The following GMDS variants were observed in gnomAD, a reference collection of about 807,000 sequenced individuals.
The protein encoded by GMDS is GDP-mannose 4,6-dehydratase.
Under a neutral mutation model 49.9 loss-of-function variants are expected in GMDS, and 20 were observed. That is an observed-to-expected ratio of 0.40 (90% CI 0.28 to 0.58). The LOEUF is 0.58. Among genes scored for constraint, GMDS ranks in the 20% least tolerant of loss-of-function variants. The probability of loss-of-function intolerance (pLI) is 0.42; values close to 1 mark genes in which losing one functional copy is unlikely to be tolerated. For missense variants in GMDS, 362 were observed against 481.4 expected, an observed-to-expected ratio of 0.75 and a Z score of 2.32; for synonymous variants, 177 against 178.6, an observed-to-expected ratio of 0.99 and a Z score of 0.07.
At chr6:1,972,157 A>G (rs1764648375) in intron 4 of GMDS, among the ~76,000 whole-genome samples, 1 of 152,146 alleles carries the variant, frequency 6.6e-6, no homozygotes, top group Non-Finnish European at 1.5e-5. Context: ...AAAGCCTTTC[A>G]TTCTTTTTCA....
At chr6:1,671,954 C>T (rs182652584) in intron 9 of GMDS, among the ~76,000 whole-genome samples, 23 of 152,176 alleles carry the variant, frequency 1.5e-4, no homozygotes, top group East Asian at 3.9e-4. Flanking sequence ...TGAACCACCG[C>T]GCCTGGCCTA....
chr6:1,901,698 C>A lies in GMDS; in HGVS notation c.771+28405G>T, dbSNP rs143068347. 9.9e-4 allele frequency among the ~76,000 whole-genome samples: 151 copies of A among 152,228 alleles called. 1 individual carries two copies. The highest frequency in any genetic ancestry group is 3.6e-3 in the African/African-American group (148 of 41,550). ...TTTGATATGTCATGGCAATGACTCA[C>A]CAAACTGTCCCTAACTAGTCTGAAA... On this transcript the variant is annotated intron_variant, in intron 7 of 10. Coordinates refer to ENST00000380815, the MANE Select transcript of GMDS (RefSeq NM_001500.4).
chr6:2,184,739 T>A (rs1778703111), intron 1 of GMDS, among the ~76,000 whole-genome samples: 1 of 152,130 alleles, frequency 6.6e-6, no homozygotes, highest in Non-Finnish European at 1.5e-5. Flanking sequence ...ACATATAAAA[T>A]ACAAGCCCAA....
chr6:2,022,851 G>A (rs887808951), intron 4 of GMDS, among the ~76,000 whole-genome samples: 2 of 152,040 alleles, frequency 1.3e-5, no homozygotes, highest in African/African-American at 2.4e-5. Flanking sequence ...CACAGACAGA[G>A]AACTTCCAAA....
intron 9 of GMDS, among the ~76,000 whole-genome samples, chr6:1,680,896 G>T (rs1764764226): frequency 6.6e-6 from 1 of 152,164 alleles, no homozygotes; most frequent in Non-Finnish European, 1.5e-5. Flanking sequence ...GGTTACCCTG[G>T]ATGATGTTTC....
intron 7 of GMDS, among the ~76,000 whole-genome samples, chr6:1,841,235 C>T (rs1374978199): frequency 6.6e-6 from 1 of 152,216 alleles, no homozygotes; most frequent in African/African-American, 2.4e-5. Context: ...AACTCTCTCT[C>T]CTAGAATCCC....
intron 1 of GMDS, among the ~76,000 whole-genome samples, chr6:2,187,586 G>C (rs1778834312): frequency 6.6e-6 from 1 of 152,164 alleles, no homozygotes; most frequent in Admixed American, 6.5e-5. Flanking sequence ...TATCCTATGA[G>C]AGTGGTGCCA....
intron 9 of GMDS, among the ~76,000 whole-genome samples, chr6:1,661,366 T>C (rs2569832): frequency 0.41 from 62,340 of 152,062 alleles, 13,453 homozygotes; most frequent in East Asian, 0.6. Flanking sequence ...TACCTCAACA[T>C]TTAAGCAGCT....
intron 9 of GMDS, among the ~76,000 whole-genome samples, chr6:1,687,060 T>A (rs1765000578): frequency 1.3e-5 from 2 of 152,142 alleles, no homozygotes; most frequent in African/African-American, 2.4e-5. Context: ...TGGAACTCCA[T>A]CCTCAGTTTT....
intron 9 of GMDS, among the ~76,000 whole-genome samples, chr6:1,693,241 G>C (rs1765234355): frequency 6.6e-6 from 1 of 152,226 alleles, no homozygotes; most frequent in African/African-American, 2.4e-5. Context: ...CCTTTTGGAT[G>C]GTTGTTCCCC....
intron 7 of GMDS, among the ~76,000 whole-genome samples, chr6:1,742,798 C>T (rs897059225): frequency 6.6e-6 from 1 of 152,100 alleles, no homozygotes; most frequent in African/African-American, 2.4e-5. Flanking sequence ...GGGCTGCAGC[C>T]GTAGAGGGGT....
intron 9 of GMDS, among the ~76,000 whole-genome samples, chr6:1,639,297 A>T (rs994378751): frequency 1.9e-4 from 29 of 152,260 alleles, no homozygotes; most frequent in Non-Finnish European, 3.8e-4. Context: ...AGCTACCTTC[A>T]CAGTGGGACG....
chr6:1,829,021 G>A (rs866218830), intron 7 of GMDS, among the ~76,000 whole-genome samples: 5 of 152,116 alleles, frequency 3.3e-5, no homozygotes, highest in Non-Finnish European at 7.4e-5. Flanking sequence ...AGAAAGCTAC[G>A]GGAAAAAGTT....
chr6:2,234,492 C>A (rs1781260430), intron 1 of GMDS, among the ~76,000 whole-genome samples: 1 of 152,000 alleles, frequency 6.6e-6, no homozygotes, highest in Non-Finnish European at 1.5e-5. Flanking sequence ...GCCTGTAATC[C>A]CAGCTACTCA....
chr6:2,035,702 T>A (rs1252245129), intron 4 of GMDS, among the ~76,000 whole-genome samples: 2 of 152,030 alleles, frequency 1.3e-5, no homozygotes, highest in South Asian at 2.1e-4. Flanking sequence ...TTATTTATTT[T>A]TTGAGATGGA....
chr6:1,959,799 A>C (rs532391641), intron 6 of GMDS, 68 bp downstream of exon 6: 1 of 907,196 alleles, frequency 1.1e-6, no homozygotes, highest in Non-Finnish European at 1.7e-6. Flanking sequence ...ACATACACCA[A>C]ATAGACATGC....
At chr6:1,916,199 G>A (rs762730855) in intron 7 of GMDS, among the ~76,000 whole-genome samples, 2 of 152,176 alleles carry the variant, frequency 1.3e-5, no homozygotes, top group Non-Finnish European at 2.9e-5. Flanking sequence ...TGGCTGTAGG[G>A]AAAGGAAGAC....
At chr6:1,655,476 TACACACACACACACACACATACAC>T (rs1444793406) in intron 9 of GMDS, among the ~76,000 whole-genome samples, 1 of 81,086 alleles carries the variant, frequency 1.2e-5, no homozygotes, top group Non-Finnish European at 2.8e-5. Flanking sequence ...TTGAAAGCCT[TACACACACACACACACACATACAC>T]ACACACACAC....
intron 4 of GMDS, among the ~76,000 whole-genome samples, chr6:1,980,187 A>G (rs1765138929): frequency 6.6e-6 from 1 of 152,210 alleles, no homozygotes; most frequent in South Asian, 2.1e-4. Flanking sequence ...TAATCCACAC[A>G]TAACAATACT....
Sources: gnomAD v4.1 joint callset for allele counts (sites outside exome capture counted in the v4.1 genomes callset) on GRCh38, gnomAD v4.1.1 for gene constraint, MANE v1.5 for transcripts, NCBI Gene and HGNC (gene_info 2026-07-23, HGNC 2026-07-21) for gene names.